PIGG: variants seen among roughly 807,000 people sequenced by gnomAD.
The protein encoded by PIGG is GPI ethanolamine phosphate transferase 2, catalytic subunit.
In PIGG, 70 loss-of-function variants were observed where a neutral mutation model predicts 83.2. The ratio of observed to expected loss-of-function variants is 0.84; its 90% confidence interval spans 0.69 to 1.03. The LOEUF (loss-of-function observed/expected upper bound fraction) is 1.03, where lower values mean the gene tolerates loss of function less well. Ranked by LOEUF, PIGG falls within the 50% of genes least tolerant of loss-of-function variation. The pLI, the probability that PIGG is intolerant of heterozygous loss-of-function variation, is 0.00. For synonymous variants in PIGG, 532 were observed against 519.5 expected, an observed-to-expected ratio of 1.02 and a Z score of -0.33; for missense variants, 1,257 against 1,233.6, an observed-to-expected ratio of 1.02 and a Z score of -0.28.
In PIGG at chr4:536,386, G is replaced by C. The variant is rs182212411; in HGVS notation, c.2735+2405G>C. ...TGTGGACGCTTGACACGCCCACTTT[G>C]GGGCAGTCTGTGGACAGACCCCCGT... On this transcript the variant is annotated intron_variant, in intron 12 of 12. Transcript: ENST00000453061. 3.0e-4 allele frequency: 46 copies of C among 152,342 alleles called. 1 individual carries two copies. Among genetic ancestry groups the C allele is most frequent in the Admixed American group, 9.1e-4 (14 of 15,308 alleles). 9.4% of individuals were successfully genotyped at this position (152,342 alleles called of 1,614,324 possible).
rs1723485691 is a variant in PIGG, at chr4:515,361, A to G, written c.902-612A>G. Among the ~76,000 whole-genome samples, 1 of 152,250 alleles carries G rather than the reference A, an allele frequency of 6.6e-6. No homozygotes were observed. Among genetic ancestry groups the G allele is most frequent in the Non-Finnish European group, 1.5e-5 (1 of 68,044 alleles). ...ACAGCCATTCTTGCAAGGAGATGGT[A>G]GGATAGCCACTCACTGTTCAGGCTT... On this transcript the variant is annotated intron_variant, in intron 5 of 12. Coordinates refer to ENST00000453061, the MANE Select transcript of PIGG (RefSeq NM_001127178.3). The surrounding 1 kb of genome is among the most constrained non-coding windows in gnomAD (Gnocchi z 4.2).
chr4:499,350 C>A lies in PIGG; in HGVS notation c.15C>A (p.Ser5=). 1 of 1,608,760 alleles carries A rather than the reference C, an allele frequency of 6.2e-7. No individual in the cohort carries two copies. The highest frequency in any genetic ancestry group is 2.2e-5 in the East Asian group (1 of 44,852). Residue 5 remains serine, a synonymous_variant, in exon 1 of 13, where the codon TCC becomes TCA. Coordinates refer to ENST00000453061, the MANE Select transcript of PIGG (RefSeq NM_001127178.3). ...GCGTGTCCACGATGCGGCTGGGCTC[C>A]GGGACTTTCGCTACCTGTTGCGTAG... MRLG[S]GTFATCCVAI... is the part of the protein sequence containing the mutation.
chr4:518,504 A>T (rs942643402), intron 6 of PIGG, among the ~76,000 whole-genome samples: 4 of 152,266 alleles, frequency 2.6e-5, no homozygotes, highest in Admixed American at 2.0e-4. Flanking sequence ...GAGGCAGGAG[A>T]ATGGTGTGAA....
rs140823596 is a variant in PIGG at position 539,665 on chromosome 4, G to C, written c.*296G>C. On this transcript the variant is annotated 3_prime_UTR_variant, in exon 13 of 13. Coordinates refer to ENST00000453061, the MANE Select transcript of PIGG (RefSeq NM_001127178.3). ...AATGAAAAGGTTCTGGACTTTGTTA[G>C]AGTCCAGGAGCTCTGTGGGAGGAGG... 3.6e-6 allele frequency: 1 copy of C among 279,652 alleles called. No homozygotes were observed. Among genetic ancestry groups the C allele is most frequent in the Non-Finnish European group, 6.8e-6 (1 of 147,468 alleles). The allele number at this position is 279,652 out of a possible 1,614,324, so 17.3% of individuals were successfully genotyped here.
Position 521,050 on chromosome 4 carries a change from T to G in PIGG, c.1115-6T>G. 6.2e-7 allele frequency: 1 copy of G among 1,606,154 alleles called. No individual in the cohort carries two copies. The highest frequency in any genetic ancestry group is 8.5e-7 in the Non-Finnish European group (1 of 1,172,698). On this transcript the variant is annotated splice_polypyrimidine_tract_variant and splice_region_variant and intron_variant, in intron 6 of 12. Transcript: ENST00000453061. ...CGCGCCTGTAACCTTTCTGTCTTCTTAATAGATCCTGGGTTTGAGCAGTTT... is the reference window on the plus strand; with the variant it reads ...CGCGCCTGTAACCTTTCTGTCTTCTGAATAGATCCTGGGTTTGAGCAGTTT...
chr4:509,000 A>C (rs782787945), intron 5 of PIGG, 30 bp downstream of exon 5: 2 of 1,583,174 alleles, frequency 1.3e-6, no homozygotes, highest in African/African-American at 1.3e-5. Flanking sequence ...AACAGTTGGA[A>C]ATTGTATTAC....
intron 5 of PIGG, among the ~76,000 whole-genome samples, chr4:513,876 C>T (rs1035419913): frequency 6.6e-6 from 1 of 152,098 alleles, no homozygotes; most frequent in Non-Finnish European, 1.5e-5. Flanking sequence ...AATCAAGAGG[C>T]CAGAAATAGA....
intron 2 of PIGG, among the ~76,000 whole-genome samples, chr4:504,511 T>C (rs1718917257): frequency 6.6e-6 from 1 of 152,246 alleles, no homozygotes; most frequent in Admixed American, 6.5e-5. Flanking sequence ...AGTACTAAAA[T>C]GGTTGCTTTT....
At position 499,391 on chromosome 4, in the gene PIGG, G is replaced by A. The variant is rs2108736843; in HGVS notation, c.56G>A (p.Gly19Glu). ...TGTTGCGTAGCGATCGAGGTGCTAG[G>A]GATCGCGGTCTTCCTTCGGGGATTC... The part of the protein sequence containing the change: ...ATCCVAIEVL[G>E]IAVFLRGFFP... The change falls in exon 1 of 13, where the codon GGG becomes GAG. Residue 19 changes from glycine (G) to glutamate (E), a missense_variant. Transcript: ENST00000453061. 6 of 1,610,156 alleles carry A rather than the reference G, an allele frequency of 3.7e-6. No individual in the cohort carries two copies. Among genetic ancestry groups the A allele is most frequent in the Admixed American group, 1.7e-5 (1 of 59,992 alleles).
In PIGG at chr4:539,208, G is replaced by A; in HGVS notation, c.2791G>A (p.Val931Ile). ...CTACGCACTGATTTGTTCTATTCCA[G>A]TTTTCACGTACATCGTTTTGGTGAC... is the stretch of plus-strand genomic sequence containing the variant. Reference protein sequence around the residue: ...FCYALICSIPVFTYIVLVTSL... With the variant: ...FCYALICSIPIFTYIVLVTSL... Residue 931 changes from valine (V) to isoleucine (I), a missense_variant, in exon 13 of 13, where the codon GTT becomes ATT. By Grantham distance (29) the Val-to-Ile change is conservative (BLOSUM62 3). Transcript: ENST00000453061. 6.2e-7 allele frequency: 1 copy of A among 1,613,700 alleles called. No homozygotes were observed. The highest frequency in any genetic ancestry group is 8.5e-7 in the Non-Finnish European group (1 of 1,179,612).
At position 499,399 on chromosome 4, in the gene PIGG, G is replaced by T; in HGVS notation, c.64G>T (p.Val22Phe). 1 of 1,609,768 alleles carries T rather than the reference G, an allele frequency of 6.2e-7. No homozygotes were observed. The change falls in exon 1 of 13, where the codon GTC (valine) becomes TTC (phenylalanine). Residue 22 changes from valine (V) to phenylalanine (F), a missense_variant. Transcript: ENST00000453061. Reference protein sequence around the residue: ...CVAIEVLGIAVFLRGFFPAPV... With the variant: ...CVAIEVLGIAFFLRGFFPAPV... ...AGCGATCGAGGTGCTAGGGATCGCGGTCTTCCTTCGGGGATTCTTCCCGGC... is the reference window on the plus strand; with the variant it reads ...AGCGATCGAGGTGCTAGGGATCGCGTTCTTCCTTCGGGGATTCTTCCCGGC...
chr4:527,867 TTG>T, intron 10 of PIGG: 1 of 985,410 alleles, frequency 1.0e-6, no homozygotes. Context: ...GGAGGGCAGC[TTG>T]TAACATGTGG....
Position 525,123 on chromosome 4 carries a change from G to A in PIGG, c.2069+1210G>A, listed in dbSNP as rs557502109. ...GTGGGCCAGCTTTGCCCTTAGCAAA[G>A]CTCCTTTCTCCTCCCCATCCTCCCT... On this transcript the variant is annotated intron_variant, in intron 9 of 12. Coordinates refer to ENST00000453061, the MANE Select transcript of PIGG (RefSeq NM_001127178.3). 8 of 928,810 alleles carry A rather than the reference G, an allele frequency of 8.6e-6. No individual in the cohort carries two copies. In the South Asian group the frequency reaches 3.0e-4, roughly 35 times the overall value. The allele number at this position is 928,810 out of a possible 1,614,324, so 57.5% of individuals were successfully genotyped here.
intron 6 of PIGG, 28 bp downstream of exon 6, chr4:516,213 G>T: frequency 6.7e-7 from 1 of 1,502,764 alleles, no homozygotes; most frequent in African/African-American, 1.4e-5. Context: ...TTCGAGCTCT[G>T]TCAGAGCTGT....
In PIGG at chr4:507,605, C is replaced by T. The variant is rs376076956; in HGVS notation, c.759+12C>T. The stretch of plus-strand genomic sequence containing the variant: ...CACTGCAGTCGAAGGTGAGGCTCGC[C>T]GTCGCTCACTGTCTGCTGATGTGGT... On this transcript the variant is annotated intron_variant, in intron 4 of 12. Coordinates refer to ENST00000453061, the MANE Select transcript of PIGG (RefSeq NM_001127178.3). 1.1e-5 allele frequency: 17 copies of T among 1,602,216 alleles called. No homozygotes were observed. Among genetic ancestry groups the T allele is most frequent in the African/African-American group, 6.7e-5 (5 of 74,588 alleles).
In PIGG at chr4:516,045, C is replaced by T. The variant is rs746660978; in HGVS notation, c.974C>T (p.Pro325Leu). ...AATLAIALGL[P>L]IPKDSVGSLL... ...ACACTGGCGATAGCACTTGGCTTAC[C>T]GATTCCAAAAGACAGTGTAGGGAGC... The change falls in exon 6 of 13, where the codon CCG becomes CTG. Residue 325 changes from proline (P) to leucine (L), a missense_variant. Pro to Leu is a moderately conservative substitution (Grantham distance 98). Transcript: ENST00000453061. The T allele has an allele frequency of 5.6e-5, 90 of 1,614,052 alleles. No homozygotes were observed. Among genetic ancestry groups the T allele is most frequent in the Middle Eastern group, 1.6e-4 (1 of 6,084 alleles).
chr4:539,085 AAAAGTGTTGT>A, intron 12 of PIGG, 58 bp from the exon 13 acceptor site: 1 of 1,032,884 alleles, frequency 9.7e-7, no homozygotes. Context: ...TTTTGAAAAT[AAAAGTGTTGT>A]TACATGTGTG....
intron 5 of PIGG, among the ~76,000 whole-genome samples, chr4:509,480 C>T (rs569514607): frequency 3.8e-4 from 58 of 152,338 alleles, no homozygotes; most frequent in African/African-American, 1.3e-3. Flanking sequence ...ACTCTGCCCT[C>T]GCGGCCGCCG....
At chr4:499,668 C>G (rs1055724907) in intron 1 of PIGG, 179 bp downstream of exon 1, 24 of 1,412,760 alleles carry the variant, frequency 1.7e-5, no homozygotes, top group Non-Finnish European at 1.9e-5. Flanking sequence ...ATTCTTACAA[C>G]TTTGTGGCAA....
Sources: gnomAD v4.1 joint callset for allele counts (sites outside exome capture counted in the v4.1 genomes callset) on GRCh38, gnomAD v4.1.1 for gene constraint, Gnocchi (gnomAD v3.1) non-coding constraint, MANE v1.5 for transcripts, NCBI Gene and HGNC (gene_info 2026-07-23, HGNC 2026-07-21) for gene names.